ETV6: variants seen among roughly 807,000 people sequenced by gnomAD.
ETV6 encodes the protein ETS variant transcription factor 6, also known as transcription factor ETV6.
Under a neutral mutation model 51.1 loss-of-function variants are expected in ETV6, and 16 were observed. That is an observed-to-expected ratio of 0.31 (90% CI 0.21 to 0.48). The LOEUF is 0.48. Ranked by LOEUF, ETV6 falls within the 20% of genes least tolerant of loss-of-function variation. ETV6 has a pLI of 0.99. For synonymous variants in ETV6, 240 were observed against 224.1 expected (o/e 1.07, Z -0.64); for missense variants, 458 against 594.8 (o/e 0.77, Z 2.39).
chr12:11,759,499 A>G (rs1945052133), intron 2 of ETV6, among the ~76,000 whole-genome samples: 1 of 152,224 alleles, frequency 6.6e-6, no homozygotes, highest in African/African-American at 2.4e-5. Context: ...GTTATAGCAG[A>G]CTAAGAGAAC....
At chr12:11,807,107 G>A (rs1173051297) in intron 2 of ETV6, among the ~76,000 whole-genome samples, 2 of 152,212 alleles carry the variant, frequency 1.3e-5, no homozygotes, top group African/African-American at 4.8e-5. Flanking sequence ...TGCCAAGTAT[G>A]TTTAGGCTGT....
intron 2 of ETV6, among the ~76,000 whole-genome samples, chr12:11,780,057 A>G (rs143584598): frequency 6.6e-6 from 1 of 152,366 alleles, no homozygotes; most frequent in East Asian, 1.9e-4. Flanking sequence ...CTGAAAAACA[A>G]AAGAGTTAAT....
intron 1 of ETV6, among the ~76,000 whole-genome samples, chr12:11,664,985 A>G (rs764776552): frequency 2.0e-5 from 3 of 152,116 alleles, no homozygotes; most frequent in Non-Finnish European, 4.4e-5. Flanking sequence ...CTACCTTTCT[A>G]GTATCATCTC....
chr12:11,880,805 A>C (rs1439355898), intron 5 of ETV6, among the ~76,000 whole-genome samples: 1 of 152,212 alleles, frequency 6.6e-6, no homozygotes, highest in Non-Finnish European at 1.5e-5. Flanking sequence ...CACACTAGAA[A>C]ATCACATTCC....
rs1164457789 is a variant in ETV6 at position 11,892,236 on chromosome 12, A to G, written c.*1190A>G. 5.6e-6 allele frequency: 1 copy of G among 178,146 alleles called. No homozygotes were observed. The highest frequency in any genetic ancestry group is 6.7e-5 in the East Asian group (1 of 14,984). 11.0% of individuals were successfully genotyped at this position (178,146 alleles called of 1,614,324 possible). A position where few individuals can be genotyped will look rare whatever the true frequency, so the allele number is the denominator to read the frequency against. ...TTTTTTTTTTTTTTTTTTTTTTTCA[A>G]TTCCTAACCTTTTTTAAAGTTTCCT... On this transcript the variant is annotated 3_prime_UTR_variant, in exon 8 of 8. Coordinates refer to ENST00000396373, the MANE Select transcript of ETV6 (RefSeq NM_001987.5).
At chr12:11,738,449 G>C (rs1865750036) in intron 1 of ETV6, among the ~76,000 whole-genome samples, 1 of 151,636 alleles carries the variant, frequency 6.6e-6, no homozygotes, top group Middle Eastern at 3.4e-3. Context: ...CCAAGTAGCT[G>C]GAATGTACCA....
intron 1 of ETV6, among the ~76,000 whole-genome samples, chr12:11,700,435 A>G (rs898420649): frequency 1.3e-5 from 2 of 152,090 alleles, no homozygotes; most frequent in Non-Finnish European, 2.9e-5. Context: ...CTGTATACCC[A>G]TTCTTTAGCT....
chr12:11,731,410 C>G (rs1182492252), intron 1 of ETV6, among the ~76,000 whole-genome samples: 1 of 152,092 alleles, frequency 6.6e-6, no homozygotes, highest in Non-Finnish European at 1.5e-5. Context: ...ATGCAGGATG[C>G]TTATGGAGAA....
At chr12:11,694,953 C>G (rs1014563078) in intron 1 of ETV6, among the ~76,000 whole-genome samples, 3 of 152,162 alleles carry the variant, frequency 2.0e-5, no homozygotes, top group Non-Finnish European at 4.4e-5. Flanking sequence ...AAATTTGGAA[C>G]CGGTCATGTA....
chr12:11,766,494 C>T (rs1158341523), intron 2 of ETV6, among the ~76,000 whole-genome samples: 1 of 152,208 alleles, frequency 6.6e-6, no homozygotes, highest in Non-Finnish European at 1.5e-5. Context: ...CGTCCCCCCA[C>T]ACCTTTCTTC....
chr12:11,801,279 A>G (rs1945745544), intron 2 of ETV6, among the ~76,000 whole-genome samples: 1 of 152,252 alleles, frequency 6.6e-6, no homozygotes, highest in Admixed American at 6.5e-5. Context: ...AAAGAAAGTT[A>G]TCTAATTTAA....
At chr12:11,651,380 G>A (rs1257788304) in intron 1 of ETV6, among the ~76,000 whole-genome samples, 3 of 152,164 alleles carry the variant, frequency 2.0e-5, no homozygotes, top group Non-Finnish European at 4.4e-5. Flanking sequence ...TTCATCATAC[G>A]TGCTTACTAG....
intron 2 of ETV6, among the ~76,000 whole-genome samples, chr12:11,809,332 A>G (rs981603070): frequency 2.0e-5 from 3 of 152,202 alleles, no homozygotes; most frequent in African/African-American, 4.8e-5. Context: ...ACAAGAGGAA[A>G]AAAGGAGATG....
At chr12:11,847,175 G>C (rs1177792666) in intron 3 of ETV6, among the ~76,000 whole-genome samples, 1 of 152,172 alleles carries the variant, frequency 6.6e-6, no homozygotes, top group Non-Finnish European at 1.5e-5. Flanking sequence ...TGCAGGTCTT[G>C]GTGACCACTT....
intron 5 of ETV6, among the ~76,000 whole-genome samples, chr12:11,872,711 G>C (rs377373688): frequency 3.3e-5 from 5 of 152,058 alleles, no homozygotes; most frequent in East Asian, 3.9e-4. Context: ...GGCCAGGCTG[G>C]TCTTGAACTC....
At chr12:11,843,539 A>T (rs1946419288) in intron 3 of ETV6, among the ~76,000 whole-genome samples, 2 of 152,220 alleles carry the variant, frequency 1.3e-5, no homozygotes, top group African/African-American at 4.8e-5. Flanking sequence ...TTCAACACTG[A>T]AACAGTGTTA....
At chr12:11,673,312 C>T (rs535778842) in intron 1 of ETV6, among the ~76,000 whole-genome samples, 46 of 152,152 alleles carry the variant, frequency 3.0e-4, no homozygotes, top group Middle Eastern at 6.8e-3. Flanking sequence ...TGGAGATGTC[C>T]ATGAAGAAGA....
chr12:11,710,971 A>G (rs1423916846), intron 1 of ETV6, among the ~76,000 whole-genome samples: 1 of 152,240 alleles, frequency 6.6e-6, no homozygotes, highest in Non-Finnish European at 1.5e-5. Flanking sequence ...ACCAGGCATC[A>G]GGTGAGGAAG....
chr12:11,681,387 C>T (rs1399011230), intron 1 of ETV6, among the ~76,000 whole-genome samples: 2 of 152,038 alleles, frequency 1.3e-5, no homozygotes, highest in African/African-American at 4.8e-5. Flanking sequence ...TATCATAAAC[C>T]ACAGAAGTTC....
Sources: allele counts gnomAD v4.1 joint callset (sites outside exome capture counted in the v4.1 genomes callset), GRCh38; gene constraint gnomAD v4.1.1; transcripts MANE v1.5; gene names NCBI Gene and HGNC (gene_info 2026-07-23, HGNC 2026-07-21).